Variants in SLC17A8 observed in about 807,000 individuals in gnomAD.
SLC17A8 encodes the protein vesicular glutamate transporter 3.
Under a neutral mutation model 58.0 loss-of-function variants are expected in SLC17A8, and 31 were observed. The ratio of observed to expected loss-of-function variants is 0.53; its 90% confidence interval spans 0.40 to 0.72. The LOEUF (loss-of-function observed/expected upper bound fraction) is 0.72, where lower values mean the gene tolerates loss of function less well. Ranked by LOEUF, SLC17A8 falls within the 30% of genes least tolerant of loss-of-function variation. The pLI, the probability that SLC17A8 is intolerant of heterozygous loss-of-function variation, is 0.00. For missense variants in SLC17A8, 655 were observed against 727.8 expected (o/e 0.90, Z 1.15); for synonymous variants, 228 against 249.0 (o/e 0.92, Z 0.79).
At chr12:100,393,331 G>A (rs1952729779) in intron 3 of SLC17A8, 38 bp from the exon 4 acceptor site, 2 of 1,429,356 alleles carry the variant, frequency 1.4e-6, no homozygotes, top group Non-Finnish European at 2.0e-6. Flanking sequence ...ACATCCATCA[G>A]CAGACCTGCC....
intron 11 of SLC17A8, among the ~76,000 whole-genome samples, chr12:100,419,143 G>A (rs1264202907): frequency 1.3e-5 from 2 of 152,142 alleles, no homozygotes; most frequent in Non-Finnish European, 2.9e-5. Context: ...TATTTAAAAC[G>A]GTGGGTTCCT....
chr12:100,371,944 T>C (rs1324696040), intron 1 of SLC17A8, among the ~76,000 whole-genome samples: 1 of 152,162 alleles, frequency 6.6e-6, no homozygotes, highest in Non-Finnish European at 1.5e-5. Flanking sequence ...TCAAGACTAT[T>C]TTGAGAATTA....
At chr12:100,412,036 G>A (rs560687646) in intron 9 of SLC17A8, among the ~76,000 whole-genome samples, 1 of 152,198 alleles carries the variant, frequency 6.6e-6, no homozygotes, top group East Asian at 1.9e-4. Context: ...ACTTTTAAGG[G>A]AAAGGCCATA....
At chr12:100,391,254 T>A in intron 3 of SLC17A8, 135 bp downstream of exon 3, 5 of 698,420 alleles carry the variant, frequency 7.2e-6, no homozygotes, top group South Asian at 6.1e-5. Flanking sequence ...AATTCACAGA[T>A]ACTGATCCCA....
intron 9 of SLC17A8, among the ~76,000 whole-genome samples, chr12:100,408,822 C>T (rs565777228): frequency 6.6e-6 from 1 of 152,174 alleles, no homozygotes; most frequent in African/African-American, 2.4e-5. Flanking sequence ...ACTTCTAAGA[C>T]ACATATAGTT....
At chr12:100,382,352 A>G (rs1952643778) in intron 2 of SLC17A8, among the ~76,000 whole-genome samples, 1 of 152,240 alleles carries the variant, frequency 6.6e-6, no homozygotes, top group Admixed American at 6.5e-5. Flanking sequence ...AGTGACTTAA[A>G]TAGTATTGTT....
intron 2 of SLC17A8, among the ~76,000 whole-genome samples, chr12:100,382,175 C>T (rs144035479): frequency 1.3e-5 from 2 of 152,266 alleles, no homozygotes; most frequent in African/African-American, 4.8e-5. Flanking sequence ...GGCTGATCAT[C>T]CATAGCCTGG....
chr12:100,406,970 G>C (rs1952830428), intron 9 of SLC17A8, among the ~76,000 whole-genome samples: 1 of 152,210 alleles, frequency 6.6e-6, no homozygotes, highest in Non-Finnish European at 1.5e-5. Context: ...AATGGAGATG[G>C]AGAGAGGGGG....
chr12:100,368,274 C>T (rs1952534007), intron 1 of SLC17A8, among the ~76,000 whole-genome samples: 1 of 152,162 alleles, frequency 6.6e-6, no homozygotes, highest in Admixed American at 6.5e-5. Context: ...GCTGGGAATC[C>T]CAGGCGTGCC....
intron 2 of SLC17A8, among the ~76,000 whole-genome samples, chr12:100,387,084 C>A (rs981404929): frequency 4.6e-5 from 7 of 152,176 alleles, no homozygotes; most frequent in East Asian, 1.9e-4. Flanking sequence ...GTACTAATAT[C>A]TTTTTGGATC....
At chr12:100,409,035 G>C (rs1272986032) in intron 9 of SLC17A8, among the ~76,000 whole-genome samples, 1 of 152,028 alleles carries the variant, frequency 6.6e-6, no homozygotes, top group East Asian at 1.9e-4. Flanking sequence ...GGTTCAAAAA[G>C]GTAAATATTA....
intron 1 of SLC17A8, among the ~76,000 whole-genome samples, chr12:100,379,434 CCAAA>C (rs1952617504): frequency 7.3e-6 from 1 of 137,394 alleles, no homozygotes. Flanking sequence ...GATTCCGTCC[CCAAA>C]AAAAAAAAAA....
chr12:100,407,037 T>G (rs1454654799), intron 9 of SLC17A8, among the ~76,000 whole-genome samples: 2 of 152,158 alleles, frequency 1.3e-5, no homozygotes, highest in African/African-American at 4.8e-5. Context: ...CATAATAATA[T>G]TTACTTCAGA....
chr12:100,383,367 T>C (rs1952650415), intron 2 of SLC17A8, among the ~76,000 whole-genome samples: 1 of 152,244 alleles, frequency 6.6e-6, no homozygotes, highest in Non-Finnish European at 1.5e-5. Context: ...TTTTTTCCTC[T>C]GGACTCAGGA....
chr12:100,388,637 A>G (rs1952692593), intron 2 of SLC17A8, among the ~76,000 whole-genome samples: 2 of 152,260 alleles, frequency 1.3e-5, no homozygotes, highest in African/African-American at 4.8e-5. Context: ...AGCACCTAAC[A>G]TTGCATTCAG....
At chr12:100,363,115 A>T (rs1329648838) in intron 1 of SLC17A8, among the ~76,000 whole-genome samples, 1 of 152,150 alleles carries the variant, frequency 6.6e-6, no homozygotes, top group East Asian at 1.9e-4. Flanking sequence ...TCTTGGCACG[A>T]GGACCCCAAA....
At position 100,402,607 on chromosome 12, in the gene SLC17A8, C is replaced by T. The variant is rs1337987777; in HGVS notation, c.915C>T (p.Thr305=). 1.7e-5 allele frequency: 27 copies of T among 1,613,636 alleles called. No individual in the cohort carries two copies. The highest frequency in any genetic ancestry group is 2.3e-5 in the Non-Finnish European group (27 of 1,179,926). Residue 305 remains threonine, a synonymous_variant, in exon 8 of 12, where the codon ACC becomes ACT. Transcript: ENST00000323346. ...TTTTTACTCCCTAGAAATTTAGTAC[C>T]CCATGGAAAAGATTTTTCACATCTT... is the stretch of plus-strand genomic sequence containing the variant. ...ANVVSLSKFS[T]PWKRFFTSLP... is the part of the protein sequence containing the mutation.
intron 5 of SLC17A8, among the ~76,000 whole-genome samples, chr12:100,396,758 A>G (rs549197118): frequency 6.6e-6 from 1 of 152,216 alleles, no homozygotes; most frequent in African/African-American, 2.4e-5. Context: ...TAAAAAGAAA[A>G]AAGAAAAAAG....
chr12:100,409,416 C>T (rs1375856262), intron 9 of SLC17A8, among the ~76,000 whole-genome samples: 3 of 152,058 alleles, frequency 2.0e-5, no homozygotes, highest in Non-Finnish European at 4.4e-5. Flanking sequence ...GAACTCCTGA[C>T]GTCAGGTGAT....
Sources: allele counts gnomAD v4.1 joint callset (sites outside exome capture counted in the v4.1 genomes callset), GRCh38; gene constraint gnomAD v4.1.1; transcripts MANE v1.5; gene names NCBI Gene and HGNC (gene_info 2026-07-23, HGNC 2026-07-21).